Variants in OXCT1 observed in about 807,000 individuals in gnomAD.
OXCT1 encodes 3-oxoacid CoA-transferase 1.
In OXCT1, 27 loss-of-function variants were observed where a neutral mutation model predicts 69.6. The ratio of observed to expected loss-of-function variants is 0.39; its 90% confidence interval spans 0.29 to 0.54. OXCT1 has a LOEUF of 0.54. Ranked by LOEUF, OXCT1 falls within the 20% of genes least tolerant of loss-of-function variation. The pLI, the probability that OXCT1 is intolerant of heterozygous loss-of-function variation, is 0.72. For missense variants in OXCT1, 437 were observed against 650.2 expected, an observed-to-expected ratio of 0.67 and a Z score of 3.57; for synonymous variants, 202 against 217.8, an observed-to-expected ratio of 0.93 and a Z score of 0.64.
intron 14 of OXCT1, among the ~76,000 whole-genome samples, chr5:41,751,612 G>A (rs945724842): frequency 6.6e-6 from 1 of 152,102 alleles, no homozygotes; most frequent in Non-Finnish European, 1.5e-5. Context: ...AAATGCAAGG[G>A]TCCAGCACTT....
chr5:41,777,213 C>T (rs572204484), intron 13 of OXCT1, among the ~76,000 whole-genome samples: 9 of 152,154 alleles, frequency 5.9e-5, no homozygotes, highest in Non-Finnish European at 8.8e-5. Context: ...GTCAGGAGTT[C>T]GAGACCAGCC....
At chr5:41,865,764 A>G (rs1444207574) in intron 1 of OXCT1, among the ~76,000 whole-genome samples, 1 of 152,154 alleles carries the variant, frequency 6.6e-6, no homozygotes, top group African/African-American at 2.4e-5. Flanking sequence ...AAAGATGATA[A>G]TTGTTTTCTA....
rs367584226 is a variant in OXCT1, at chr5:41,767,722, G to GTATATATATATATATATA, written c.1249-5540_1249-5523dup. On this transcript the variant is annotated intron_variant, in intron 13 of 16. Transcript: ENST00000196371. ...TCTAGTATCTAATATATATGTGTGT[G>GTATATATATATATATATA]TATATATATATATATATATATATAT... Among the ~76,000 whole-genome samples, 344 of 89,782 alleles carry GTATATATATATATATATA rather than the reference G, an allele frequency of 3.8e-3. 4 individuals carry two copies. Among genetic ancestry groups the GTATATATATATATATATA allele is most frequent in the African/African-American group, 6.6e-3 (123 of 18,530 alleles). The allele number at this position is 89,782 out of a possible 152,430, so 58.9% of individuals were successfully genotyped here.
At chr5:41,834,374 A>C (rs986381913) in intron 7 of OXCT1, among the ~76,000 whole-genome samples, 1 of 152,026 alleles carries the variant, frequency 6.6e-6, no homozygotes, top group Admixed American at 6.6e-5. Flanking sequence ...ATGGATGAAA[A>C]AAGTTAAGAC....
At chr5:41,868,428 C>G (rs1261487070) in intron 1 of OXCT1, among the ~76,000 whole-genome samples, 1 of 152,290 alleles carries the variant, frequency 6.6e-6, no homozygotes, top group South Asian at 2.1e-4. Flanking sequence ...TCAACAGAAG[C>G]AGCAGGTGAG....
chr5:41,818,875 C>A lies in OXCT1; in HGVS notation c.733-11437G>T, dbSNP rs528584826. ...ATAAGCCATGACTTTAAGATGCCTT[C>A]TTTTAGCTTTGTCCTTGAACCAGAA... On this transcript the variant is annotated intron_variant, in intron 7 of 16. Coordinates refer to ENST00000196371, the MANE Select transcript of OXCT1 (RefSeq NM_000436.4). Among the ~76,000 whole-genome samples the A allele has an allele frequency of 1.9e-4, 28 of 151,170 alleles. No individual in the cohort carries two copies. The South Asian group carries it at 5.7e-3, about 31-fold the overall frequency.
intron 13 of OXCT1, among the ~76,000 whole-genome samples, chr5:41,782,787 T>G (rs1745471313): frequency 6.6e-6 from 1 of 152,194 alleles, no homozygotes; most frequent in African/African-American, 2.4e-5. Flanking sequence ...GGGATGTTTT[T>G]CAAAGGTAAA....
At chr5:41,830,824 A>G (rs1474133728) in intron 7 of OXCT1, among the ~76,000 whole-genome samples, 22 of 152,216 alleles carry the variant, frequency 1.4e-4, no homozygotes. Context: ...AATAAGAAAA[A>G]TTTAAGAGAG....
chr5:41,820,451 T>C lies in OXCT1; in HGVS notation c.733-13013A>G, dbSNP rs560071896. 3.3e-5 allele frequency among the ~76,000 whole-genome samples: 5 copies of C among 152,240 alleles called. No homozygotes were observed. The South Asian group carries it at 1.0e-3, about 32-fold the overall frequency. ...AATCAGACATGCACAAAAATAATAA[T>C]CACTAAAGCATTAATAGTGAAAGAT... is the stretch of plus-strand genomic sequence containing the variant. On this transcript the variant is annotated intron_variant, in intron 7 of 16. Coordinates refer to ENST00000196371, the MANE Select transcript of OXCT1 (RefSeq NM_000436.4).
chr5:41,852,393 T>G (rs1308745379), intron 4 of OXCT1, among the ~76,000 whole-genome samples: 1 of 152,212 alleles, frequency 6.6e-6, no homozygotes, highest in Non-Finnish European at 1.5e-5. Context: ...AAAAATCTAC[T>G]AAATTATGTT....
chr5:41,818,995 T>C lies in OXCT1; in HGVS notation c.733-11557A>G, dbSNP rs7726722. Among the ~76,000 whole-genome samples, 1,402 of 152,026 alleles carry C rather than the reference T, an allele frequency of 9.2e-3. 18 individuals carry two copies. The highest frequency in any genetic ancestry group is 0.032 in the African/African-American group (1,323 of 41,516). ...AGCAATCTTGCATAAGCCCTAATTA[T>C]CACTTCAGTATTTGTAGACTAGATC... On this transcript the variant is annotated intron_variant, in intron 7 of 16. Transcript: ENST00000196371.
intron 3 of OXCT1, among the ~76,000 whole-genome samples, chr5:41,855,408 A>C (rs1370822646): frequency 6.6e-6 from 1 of 152,330 alleles, no homozygotes; most frequent in Non-Finnish European, 1.5e-5. Context: ...TCACTTTTCT[A>C]TATTACTCCA....
At chr5:41,744,020 G>C (rs556401992) in intron 15 of OXCT1, among the ~76,000 whole-genome samples, 1 of 152,130 alleles carries the variant, frequency 6.6e-6, no homozygotes, top group East Asian at 1.9e-4. Flanking sequence ...TGTGAAGAAA[G>C]TCATTGGTAG....
rs980312329 is a variant in OXCT1, at chr5:41,770,395, T to A, written c.1249-8195A>T. Among the ~76,000 whole-genome samples the A allele has an allele frequency of 3.3e-5, 5 of 152,306 alleles. 1 individual carries two copies. Among genetic ancestry groups the A allele is most frequent in the Admixed American group, 6.5e-5 (1 of 15,300 alleles). Reference sequence around the variant, plus strand: ...AATTGACCCTACTAAGGACATTTTTTAAATATCTTCTTCAGGGCTGAATGT... The same window carrying A: ...AATTGACCCTACTAAGGACATTTTTAAAATATCTTCTTCAGGGCTGAATGT... On this transcript the variant is annotated intron_variant, in intron 13 of 16. Coordinates refer to ENST00000196371, the MANE Select transcript of OXCT1 (RefSeq NM_000436.4).
intron 13 of OXCT1, among the ~76,000 whole-genome samples, chr5:41,780,035 A>G (rs1429779233): frequency 6.6e-6 from 1 of 152,166 alleles, no homozygotes; most frequent in East Asian, 1.9e-4. Flanking sequence ...AGTGAGTAAA[A>G]GTAAAGAAAA....
At chr5:41,799,035 C>T (rs926663682) in intron 11 of OXCT1, among the ~76,000 whole-genome samples, 6 of 152,146 alleles carry the variant, frequency 3.9e-5, no homozygotes, top group Admixed American at 2.6e-4. Context: ...AAAGTATGCT[C>T]TAAGCCATGT....
chr5:41,854,310 G>A (rs1700746170), intron 3 of OXCT1, among the ~76,000 whole-genome samples: 1 of 152,094 alleles, frequency 6.6e-6, no homozygotes, highest in South Asian at 2.1e-4. Flanking sequence ...TCTTAGAAAT[G>A]GTATACACAG....
At chr5:41,766,891 T>G (rs1207653433) in intron 13 of OXCT1, among the ~76,000 whole-genome samples, 1 of 152,146 alleles carries the variant, frequency 6.6e-6, no homozygotes. Flanking sequence ...GTGAATCTAT[T>G]GGAAGTCAAA....
intron 15 of OXCT1, chr5:41,739,830 C>T (rs186312646): frequency 3.6e-6 from 1 of 281,194 alleles, no homozygotes; most frequent in African/African-American, 2.3e-5. Flanking sequence ...GAGATCACGC[C>T]ACTGCACTCC....
Sources: allele counts gnomAD v4.1 joint callset (sites outside exome capture counted in the v4.1 genomes callset), GRCh38; gene constraint gnomAD v4.1.1; transcripts MANE v1.5; gene names NCBI Gene and HGNC (gene_info 2026-07-23, HGNC 2026-07-21).